The following DCC variants were observed in gnomAD, a reference collection of about 807,000 sequenced individuals.
The protein encoded by DCC is DCC netrin 1 receptor.
DCC carries 58 observed loss-of-function variants against 172.5 expected under a neutral mutation model. The observed-to-expected ratio is 0.34, with a 90% CI of 0.27 to 0.42. DCC has a LOEUF of 0.42. Among genes scored for constraint, DCC ranks in the 10% least tolerant of loss-of-function variants. DCC has a pLI of 1.00. For missense variants in DCC, 1,740 were observed against 1,791.0 expected, an observed-to-expected ratio of 0.97 and a Z score of 0.51; for synonymous variants, 709 against 644.5, an observed-to-expected ratio of 1.10 and a Z score of -1.52.
At chr18:53,250,942 C>T (rs117802398) in intron 12 of DCC, among the ~76,000 whole-genome samples, 2,560 of 151,992 alleles carry the variant, frequency 0.017, 46 homozygotes, top group Middle Eastern at 0.044. Context: ...CTGTTCTTTC[C>T]GAACAGATGA....
intron 2 of DCC, among the ~76,000 whole-genome samples, chr18:52,893,880 A>G (rs1384061813): frequency 2.0e-5 from 3 of 149,614 alleles, no homozygotes. Context: ...TTCTGTAGTC[A>G]AAACACACAA....
chr18:52,680,836 T>G (rs555385480), intron 1 of DCC, among the ~76,000 whole-genome samples: 1 of 152,230 alleles, frequency 6.6e-6, no homozygotes, highest in East Asian at 1.9e-4. Context: ...AAATTTACCA[T>G]ATAAATTATA....
At chr18:52,685,229 G>C (rs2035812001) in intron 1 of DCC, among the ~76,000 whole-genome samples, 1 of 151,908 alleles carries the variant, frequency 6.6e-6, no homozygotes, top group Non-Finnish European at 1.5e-5. Flanking sequence ...TTCCCATTTT[G>C]TTTCCTTCTT....
intron 7 of DCC, among the ~76,000 whole-genome samples, chr18:53,100,630 A>G (rs2043158993): frequency 6.6e-6 from 1 of 151,954 alleles, no homozygotes; most frequent in Non-Finnish European, 1.5e-5. Flanking sequence ...GGTGGGGAAG[A>G]AAGGAGAAAG....
At chr18:52,933,451 T>G (rs572677933) in intron 5 of DCC, among the ~76,000 whole-genome samples, 3 of 150,314 alleles carry the variant, frequency 2.0e-5, no homozygotes, top group Non-Finnish European at 3.0e-5. Context: ...GGAGGGAGTG[T>G]TGAGGGGAGA....
At chr18:53,478,821 G>C (rs951303936) in intron 25 of DCC, among the ~76,000 whole-genome samples, 1 of 152,220 alleles carries the variant, frequency 6.6e-6, no homozygotes, top group Non-Finnish European at 1.5e-5. Context: ...AGAAAGGGCA[G>C]ATTTTTAAAA....
intron 2 of DCC, among the ~76,000 whole-genome samples, chr18:52,775,752 C>A (rs908691687): frequency 6.6e-6 from 1 of 152,186 alleles, no homozygotes; most frequent in African/African-American, 2.4e-5. Flanking sequence ...GACGTCTGGC[C>A]GCCTGTGTGT....
chr18:52,367,652 C>T (rs1984938834), intron 1 of DCC, among the ~76,000 whole-genome samples: 1 of 152,158 alleles, frequency 6.6e-6, no homozygotes, highest in South Asian at 2.1e-4. Context: ...TGTGTTTTGT[C>T]TTTGGCTGGT....
intron 2 of DCC, among the ~76,000 whole-genome samples, chr18:52,824,873 G>A (rs2038481222): frequency 6.6e-6 from 1 of 152,054 alleles, no homozygotes; most frequent in Admixed American, 6.5e-5. Context: ...GGGAGGCTGA[G>A]GCAGGATAAT....
intron 9 of DCC, among the ~76,000 whole-genome samples, chr18:53,197,075 G>A (rs187743213): frequency 6.6e-6 from 1 of 151,950 alleles, no homozygotes; most frequent in African/African-American, 2.4e-5. Flanking sequence ...AAATCAAAGA[G>A]GCAATCAAAG....
chr18:53,341,978 T>C (rs889488430), intron 15 of DCC, among the ~76,000 whole-genome samples: 1 of 152,132 alleles, frequency 6.6e-6, no homozygotes, highest in Non-Finnish European at 1.5e-5. Flanking sequence ...TGAAATTTTA[T>C]GTTTTAAGGA....
intron 5 of DCC, among the ~76,000 whole-genome samples, chr18:53,047,231 G>A: frequency 4.1e-5 from 2 of 48,314 alleles, no homozygotes; most frequent in Admixed American, 5.1e-4. Flanking sequence ...ATCCCTGCAG[G>A]TAGGATATAT....
chr18:52,610,190 T>A lies in DCC; in HGVS notation c.92-141864T>A, dbSNP rs1355499823. Among the ~76,000 whole-genome samples the A allele has an allele frequency of 2.3e-4, 3 of 13,116 alleles. 1 individual carries two copies. The allele number at this position is 13,116 out of a possible 152,430, so 8.6% of individuals were successfully genotyped here. A position where few individuals can be genotyped will look rare whatever the true frequency, so the allele number is the denominator to read the frequency against. On this transcript the variant is annotated intron_variant, in intron 1 of 28. Transcript: ENST00000442544. The stretch of plus-strand genomic sequence containing the variant: ...AAAAAAAAAAAAAAATATATATATA[T>A]ATATATATATATATATATATATATA...
At chr18:52,561,684 A>G (rs1598914676) in intron 1 of DCC, among the ~76,000 whole-genome samples, 1 of 152,138 alleles carries the variant, frequency 6.6e-6, no homozygotes, top group South Asian at 2.1e-4. Flanking sequence ...TTTCTGCTCA[A>G]AAAAGAACTT....
intron 1 of DCC, among the ~76,000 whole-genome samples, chr18:52,383,229 A>G (rs1985658662): frequency 6.6e-6 from 1 of 152,096 alleles, no homozygotes; most frequent in Non-Finnish European, 1.5e-5. Context: ...TGCAGTACCA[A>G]TGTTTACCTC....
chr18:52,636,187 C>T (rs1357895408), intron 1 of DCC, among the ~76,000 whole-genome samples: 1 of 152,118 alleles, frequency 6.6e-6, no homozygotes, highest in African/African-American at 2.4e-5. Flanking sequence ...GCAGCAAGGC[C>T]CTGGGAGCCC....
intron 5 of DCC, among the ~76,000 whole-genome samples, chr18:53,020,338 T>C (rs1217938100): frequency 6.6e-6 from 1 of 152,136 alleles, no homozygotes; most frequent in Non-Finnish European, 1.5e-5. Flanking sequence ...TTGCAACATA[T>C]TGCAGAGCCA....
At chr18:52,562,985 C>T (rs1222938440) in intron 1 of DCC, among the ~76,000 whole-genome samples, 1 of 151,998 alleles carries the variant, frequency 6.6e-6, no homozygotes, top group African/African-American at 2.4e-5. Flanking sequence ...TTAGCATCTG[C>T]TATGCATCCA....
At chr18:53,259,516 T>A (rs925722896) in intron 12 of DCC, among the ~76,000 whole-genome samples, 8 of 152,358 alleles carry the variant, frequency 5.3e-5, no homozygotes, top group Admixed American at 3.9e-4. Flanking sequence ...AATTCTTTTC[T>A]TTAAGAATGT....
Sources: gnomAD v4.1 joint callset for allele counts (sites outside exome capture counted in the v4.1 genomes callset) on GRCh38, gnomAD v4.1.1 for gene constraint, MANE v1.5 for transcripts, NCBI Gene and HGNC (gene_info 2026-07-23, HGNC 2026-07-21) for gene names.